The following DNAAF1 variants were observed in gnomAD, a reference collection of about 807,000 sequenced individuals.
DNAAF1 encodes dynein assembly factor 1, axonemal.
Under a neutral mutation model 71.1 loss-of-function variants are expected in DNAAF1, and 65 were observed. The ratio of observed to expected loss-of-function variants is 0.91; its 90% CI spans 0.75 to 1.12. The LOEUF is 1.12. Ranked by LOEUF, DNAAF1 falls within the 50% of genes most tolerant of loss-of-function variation. The pLI, the probability that DNAAF1 is intolerant of heterozygous loss-of-function variation, is 0.00. For missense variants in DNAAF1, 1,178 were observed against 899.8 expected, an observed-to-expected ratio of 1.31 and a Z score of -3.96; for synonymous variants, 414 against 354.6, an observed-to-expected ratio of 1.17 and a Z score of -1.88.
chr16:84,156,764 A>G (rs1038147427), intron 5 of DNAAF1, among the ~76,000 whole-genome samples: 2 of 152,186 alleles, frequency 1.3e-5, no homozygotes, highest in Non-Finnish European at 2.9e-5. Flanking sequence ...CAGTTCATGC[A>G]GAAAAGGCCA....
At position 84,170,030 on chromosome 16, in the gene DNAAF1, T is replaced by C. The variant is rs2088240509; in HGVS notation, c.1202T>C (p.Val401Ala). The change falls in exon 8 of 12, where the codon GTG becomes GCG. Residue 401 changes from valine to alanine, a missense_variant. Physicochemically the swap from Val to Ala is moderately conservative, Grantham distance 64. Transcript: ENST00000378553. ...PEKPSGEEPP[V>A]EAKREDGGPE... ...AAGCCAAGTGGAGAGGAGCCGCCTGTGGAGGCTAAAAGAGAGGATGGAGGT... is the reference window on the plus strand; with the variant it reads ...AAGCCAAGTGGAGAGGAGCCGCCTGCGGAGGCTAAAAGAGAGGATGGAGGT... 6.2e-7 allele frequency: 1 copy of C among 1,613,752 alleles called. No individual in the cohort carries two copies. Among genetic ancestry groups the C allele is most frequent in the African/African-American group, 1.3e-5 (1 of 74,918 alleles).
chr16:84,162,151 TCTGA>T (rs2087744317), intron 6 of DNAAF1: 1 of 152,262 alleles, frequency 6.6e-6, no homozygotes. Flanking sequence ...CAACACCCTG[TCTGA>T]CTATTTCCAA....
At position 84,155,518 on chromosome 16, in the gene DNAAF1, C is replaced by G. The variant is rs903744605; in HGVS notation, c.575-65C>G. ...GTGCTGGGATTACAGGTATGAACCA[C>G]TGTGCCTGGCCCAAGAAGCATTTTT... On this transcript the variant is annotated intron_variant, in intron 4 of 11. Coordinates refer to ENST00000378553, the MANE Select transcript of DNAAF1 (RefSeq NM_178452.6). 6 of 1,567,700 alleles carry G rather than the reference C, an allele frequency of 3.8e-6. No homozygotes were observed. In the African/African-American group the frequency reaches 4.1e-5, roughly 11 times the overall value.
chr16:84,151,965 G>C (rs1224853676), intron 3 of DNAAF1, among the ~76,000 whole-genome samples: 1 of 152,244 alleles, frequency 6.6e-6, no homozygotes, highest in Non-Finnish European at 1.5e-5. Context: ...TTGGTGTCTG[G>C]ATCCACTCCT....
At chr16:84,155,144 GT>G (rs2087364086) in intron 4 of DNAAF1, among the ~76,000 whole-genome samples, 1 of 152,144 alleles carries the variant, frequency 6.6e-6, no homozygotes, top group South Asian at 2.1e-4. Context: ...TCCTGACCTC[GT>G]GATCCGCCCG....
In DNAAF1 at chr16:84,170,301, G is replaced by A. The variant is rs142870415; in HGVS notation, c.1473G>A (p.Glu491=). Residue 491 remains glutamate, a synonymous_variant, in exon 8 of 12, where the codon GAG becomes GAA. Transcript: ENST00000378553. ...GAGAGGATGGAGATCGAGAGCCAGA[G>A]GGGACCCTCCCAGCTGAGGCCCCAC... ...VKGEDGDREP[E]GTLPAEAPPP... is the part of the protein sequence containing the mutation. 18 of 1,612,132 alleles carry A rather than the reference G, an allele frequency of 1.1e-5. No homozygotes were observed. The African/African-American group carries it at 1.9e-4, about 17-fold the overall frequency.
At chr16:84,161,053 T>C (rs1255908431) in intron 6 of DNAAF1, among the ~76,000 whole-genome samples, 1 of 151,968 alleles carries the variant, frequency 6.6e-6, no homozygotes, top group Non-Finnish European at 1.5e-5. Context: ...GCAGCCAGTG[T>C]GCAGGGGTCT....
rs1179042391 is a variant in DNAAF1 at position 84,160,216 on chromosome 16, C to T, written c.863+420C>T. The stretch of plus-strand genomic sequence containing the variant: ...AGTTTGTTGATGGGTGAAGATCGTA[C>T]CCCATTGTTTTAAATTGCCATTTTT... On this transcript the variant is annotated intron_variant, in intron 6 of 11. Coordinates refer to ENST00000378553, the MANE Select transcript of DNAAF1 (RefSeq NM_178452.6). 2.6e-5 allele frequency among the ~76,000 whole-genome samples: 4 copies of T among 152,148 alleles called. No individual in the cohort carries two copies. The South Asian group carries it at 6.2e-4, about 24-fold the overall frequency.
At chr16:84,151,254 T>C (rs1222640243) in intron 3 of DNAAF1, among the ~76,000 whole-genome samples, 1 of 151,994 alleles carries the variant, frequency 6.6e-6, no homozygotes, top group African/African-American at 2.4e-5. Flanking sequence ...GTGCTGAAAA[T>C]GCACAGAGGG....
At position 84,159,664 on chromosome 16, in the gene DNAAF1, T is replaced by C; in HGVS notation, c.742-11T>C. The C allele has an allele frequency of 1.2e-6, 2 of 1,607,522 alleles. No homozygotes were observed. The highest frequency in any genetic ancestry group is 1.7e-6 in the Non-Finnish European group (2 of 1,176,232). ...TCAGTAATCATTTTGGTTCTGCTTGTCTTCTTGCAGCGTGTACTGAATTTG... is the reference window on the plus strand; with the variant it reads ...TCAGTAATCATTTTGGTTCTGCTTGCCTTCTTGCAGCGTGTACTGAATTTG... On this transcript the variant is annotated splice_polypyrimidine_tract_variant and intron_variant, in intron 5 of 11. Coordinates refer to ENST00000378553, the MANE Select transcript of DNAAF1 (RefSeq NM_178452.6).
chr16:84,169,480 C>T (rs779600756), intron 7 of DNAAF1, among the ~76,000 whole-genome samples: 38 of 151,806 alleles, frequency 2.5e-4, no homozygotes, highest in Non-Finnish European at 3.5e-4. Flanking sequence ...AGTGCAGTGG[C>T]GCGATCTTGG....
At chr16:84,151,750 A>C (rs1170944444) in intron 3 of DNAAF1, among the ~76,000 whole-genome samples, 3 of 152,076 alleles carry the variant, frequency 2.0e-5, no homozygotes, top group Non-Finnish European at 4.4e-5. Flanking sequence ...GCGCAGTCTC[A>C]CTCATTCGAT....
chr16:84,156,305 G>A (rs1305900725), intron 5 of DNAAF1, among the ~76,000 whole-genome samples: 5 of 152,174 alleles, frequency 3.3e-5, no homozygotes, highest in South Asian at 4.1e-4. Context: ...CCTCTGTCTG[G>A]TGTTACCCAC....
chr16:84,154,484 T>A, intron 3 of DNAAF1, 93 bp from the exon 4 acceptor site: 2 of 1,063,018 alleles, frequency 1.9e-6, no homozygotes, highest in Non-Finnish European at 1.4e-6. Flanking sequence ...GACACAGACA[T>A]TCAGTTCCTA....
chr16:84,147,746 A>C (rs563021241), intron 1 of DNAAF1, among the ~76,000 whole-genome samples: 7 of 152,070 alleles, frequency 4.6e-5, no homozygotes, highest in Non-Finnish European at 1.0e-4. Flanking sequence ...TTAATTAAAG[A>C]AATAAGCCCC....
At position 84,149,086 on chromosome 16, in the gene DNAAF1, TG is replaced by T. The variant is rs1567534024; in HGVS notation, c.207del (p.Ser70GlnfsTer19). 1 of 1,614,086 alleles carries T rather than the reference TG, an allele frequency of 6.2e-7. No homozygotes were observed. The highest frequency in any genetic ancestry group is 1.1e-5 in the South Asian group (1 of 91,074). On this transcript the variant is annotated frameshift_variant, in exon 2 of 12. Coordinates refer to ENST00000378553, the MANE Select transcript of DNAAF1 (RefSeq NM_178452.6). LOFTEE classifies it high-confidence loss of function. The part of the protein sequence containing the change: ...HSQQKQSGDN[G>X]SGGHFAHPRE... ...GCCAGCAGAAACAGAGTGGTGATAA[TG>T]GGTCAGGTGGTCACTTCGCACACCC...
At chr16:84,171,709 C>G (rs948154826) in intron 8 of DNAAF1, among the ~76,000 whole-genome samples, 27 of 152,096 alleles carry the variant, frequency 1.8e-4, no homozygotes, top group African/African-American at 5.1e-4. Flanking sequence ...TTCCAAGATT[C>G]CTGCGGCTGC....
chr16:84,170,486 G>A, intron 8 of DNAAF1, 130 bp downstream of exon 8: 1 of 1,411,004 alleles, frequency 7.1e-7, no homozygotes, highest in Non-Finnish European at 9.8e-7. Flanking sequence ...GAAGATAATG[G>A]ACACTAGTTA....
At chr16:84,169,165 C>T (rs1454020894) in intron 7 of DNAAF1, among the ~76,000 whole-genome samples, 1 of 144,740 alleles carries the variant, frequency 6.9e-6, no homozygotes, top group Non-Finnish European at 1.5e-5. Flanking sequence ...CCTCTGTCTC[C>T]TGGGTTCAAG....
Sources: gnomAD v4.1 joint callset for allele counts (sites outside exome capture counted in the v4.1 genomes callset) on GRCh38, gnomAD v4.1.1 for gene constraint, MANE v1.5 for transcripts, NCBI Gene and HGNC (gene_info 2026-07-23, HGNC 2026-07-21) for gene names.